CCN6: variants seen among roughly 807,000 people sequenced by gnomAD.
The protein encoded by CCN6 is CCN family member 6.
A neutral mutation model predicts 37.4 loss-of-function variants in CCN6; 31 were observed. The ratio of observed to expected loss-of-function variants is 0.83; its 90% CI spans 0.62 to 1.12. The LOEUF (loss-of-function observed/expected upper bound fraction) is 1.12. Ranked by LOEUF, CCN6 falls within the 50% of genes most tolerant of loss-of-function variation. The pLI is 0.00. For synonymous variants in CCN6, 137 were observed against 142.1 expected (o/e 0.96, Z 0.26); for missense variants, 369 against 413.8 (o/e 0.89, Z 0.94).
Position 112,054,156 on chromosome 6 carries a change from A to G in CCN6, c.-202A>G, listed in dbSNP as rs1776275175. On this transcript the variant is annotated 5_prime_UTR_variant, in exon 1 of 5. It removes an upstream start codon present in the reference 5' UTR. Coordinates refer to ENST00000368666, the MANE Select transcript of CCN6 (RefSeq NM_198239.2). ...GAAGGCAGGTTATTAGAAGAGTCCC[A>G]TGAAAGTAAACAGGGTATTAAAACG... 2.5e-6 allele frequency: 2 copies of G among 801,158 alleles called. No individual in the cohort carries two copies. The highest frequency in any genetic ancestry group is 2.2e-6 in the Non-Finnish European group (1 of 445,700). 49.6% of individuals were successfully genotyped at this position (801,158 alleles called of 1,614,324 possible).
intron 4 of CCN6, 62 bp from the exon 5 acceptor site, chr6:112,069,277 C>A: frequency 6.5e-7 from 1 of 1,550,386 alleles, no homozygotes; most frequent in Non-Finnish European, 8.8e-7. Flanking sequence ...AACTATTCTA[C>A]ATGTTTTCAA....
chr6:112,053,939 A>G, upstream of CCN6: 1 of 367,166 alleles, frequency 2.7e-6, no homozygotes, highest in Non-Finnish European at 5.3e-6. Context: ...GACCCGGAGC[A>G]GGGCAAACAC....
intron 1 of CCN6, among the ~76,000 whole-genome samples, chr6:112,060,555 CAT>C (rs1776482705): frequency 6.6e-6 from 1 of 151,982 alleles, no homozygotes; most frequent in African/African-American, 2.4e-5. Context: ...TGTTTTTGGT[CAT>C]ATTAAATTTG....
chr6:112,059,239 A>G (rs148874793), intron 1 of CCN6, among the ~76,000 whole-genome samples: 98 of 152,316 alleles, frequency 6.4e-4, no homozygotes, highest in Non-Finnish European at 1.1e-3. Context: ...TACAAAATGG[A>G]GTATACAGTT....
intron 1 of CCN6, among the ~76,000 whole-genome samples, chr6:112,060,607 C>T (rs138297274): frequency 6.6e-6 from 1 of 152,106 alleles, no homozygotes; most frequent in African/African-American, 2.4e-5. Flanking sequence ...GTTAAGTAGG[C>T]AGTTTGAGTC....
chr6:112,060,888 A>T (rs1323733770), intron 1 of CCN6, 103 bp from the exon 2 acceptor site: 1 of 1,350,734 alleles, frequency 7.4e-7, no homozygotes, highest in African/African-American at 1.4e-5. Context: ...AATGATTGTA[A>T]CTCACCACTC....
upstream of CCN6, among the ~76,000 whole-genome samples, chr6:112,053,131 G>A (rs1420022644): frequency 6.6e-6 from 1 of 152,102 alleles, no homozygotes; most frequent in Non-Finnish European, 1.5e-5. Flanking sequence ...GAGGGACAAA[G>A]CACCACGGCA....
intron 3 of CCN6, among the ~76,000 whole-genome samples, chr6:112,065,596 A>ACG: frequency 1.2e-5 from 1 of 83,384 alleles, no homozygotes; most frequent in East Asian, 3.6e-4. Context: ...ACGCACACAC[A>ACG]CACAAACACA....
intron 3 of CCN6, among the ~76,000 whole-genome samples, chr6:112,065,573 CACAA>C (rs1407975585): frequency 1.8e-4 from 25 of 140,526 alleles, no homozygotes; most frequent in South Asian, 4.4e-4. Flanking sequence ...AACACACACA[CACAA>C]ACACACACAC....
intron 1 of CCN6, among the ~76,000 whole-genome samples, chr6:112,057,525 G>A (rs2114433891): frequency 6.6e-6 from 1 of 152,280 alleles, no homozygotes; most frequent in East Asian, 1.9e-4. Context: ...TAGGAGGTGA[G>A]AGGGAGGAAG....
At chr6:112,061,501 A>C in intron 2 of CCN6, 2 of 613,770 alleles carry the variant, frequency 3.3e-6, no homozygotes, top group Non-Finnish European at 5.7e-6. Context: ...TTTTCATTGC[A>C]CTGAGGTGAT....
At chr6:112,056,589 C>A (rs1776354924) in intron 1 of CCN6, among the ~76,000 whole-genome samples, 1 of 152,120 alleles carries the variant, frequency 6.6e-6, no homozygotes, top group Non-Finnish European at 1.5e-5. Flanking sequence ...TGTCTTGGCT[C>A]ACTGCAACCT....
chr6:112,062,666 G>A (rs1305068778), intron 2 of CCN6, among the ~76,000 whole-genome samples: 2 of 152,212 alleles, frequency 1.3e-5, no homozygotes, highest in Non-Finnish European at 2.9e-5. Flanking sequence ...TGTAAATAAT[G>A]CTTTATTGGA....
At position 112,068,210 on chromosome 6, in the gene CCN6, A is replaced by G. The variant is rs782030270; in HGVS notation, c.595A>G (p.Arg199Gly). The G allele has an allele frequency of 1.2e-5, 19 of 1,610,022 alleles. No homozygotes were observed. The African/African-American group carries it at 2.1e-4, about 18-fold the overall frequency. ...CTTTTCTCCCTTTGTTTTAGCTTAT[A>G]GAAATCTCCCACTTATTTGGAAAAA... The part of the protein sequence containing the change: ...STSYKTMPAY[R>G]NLPLIWKKKC... The change falls in exon 4 of 5, where the codon AGA becomes GGA. Residue 199 changes from arginine to glycine, a missense_variant. By Grantham distance (125) the Arg-to-Gly change is moderately radical (BLOSUM62 -2). Transcript: ENST00000368666.
chr6:112,058,122 C>T (rs1776402220), intron 1 of CCN6, among the ~76,000 whole-genome samples: 2 of 152,170 alleles, frequency 1.3e-5, no homozygotes, highest in South Asian at 2.1e-4. Flanking sequence ...TTTCTACTCC[C>T]TTCTCCATTT....
intron 2 of CCN6, among the ~76,000 whole-genome samples, chr6:112,063,665 T>C (rs1276161443): frequency 1.3e-5 from 2 of 152,234 alleles, no homozygotes; most frequent in African/African-American, 4.8e-5. Context: ...CAAAAAATGC[T>C]GTCACAGTTG....
upstream of CCN6, chr6:112,054,103 C>G: frequency 1.5e-6 from 1 of 647,252 alleles, no homozygotes; most frequent in Non-Finnish European, 2.8e-6. Flanking sequence ...AGTGCTCGCC[C>G]ATTCCTGACC....
chr6:112,053,108 C>T (rs1440231989), upstream of CCN6, among the ~76,000 whole-genome samples: 2 of 151,958 alleles, frequency 1.3e-5, no homozygotes, highest in Non-Finnish European at 2.9e-5. Context: ...GGTGGGACGC[C>T]TCAGGGACCT....
chr6:112,069,404 T>C lies in CCN6; in HGVS notation c.849T>C (p.Ser283=), dbSNP rs1247057997. The C allele has an allele frequency of 1.9e-6, 3 of 1,613,664 alleles. No individual in the cohort carries two copies. Among genetic ancestry groups the C allele is most frequent in the South Asian group, 1.1e-5 (1 of 91,082 alleles). The change falls in exon 5 of 5, where the codon TCT becomes TCC. Residue 283 remains serine (S), a synonymous_variant. Coordinates refer to ENST00000368666, the MANE Select transcript of CCN6 (RefSeq NM_198239.2). ...CCAAAGCTGAAAAATTTGTCTTTTC[T>C]GGATGCTCAAGTACTCAGAGTTACA... ...QLSKAEKFVF[S]GCSSTQSYKP...
Sources: allele counts gnomAD v4.1 joint callset (sites outside exome capture counted in the v4.1 genomes callset), GRCh38; gene constraint gnomAD v4.1.1; transcripts MANE v1.5; gene names NCBI Gene and HGNC (gene_info 2026-07-23, HGNC 2026-07-21).